Variants in NLGN1 observed in about 807,000 individuals in gnomAD.
NLGN1 encodes neuroligin-1.
Under a neutral mutation model 65.5 loss-of-function variants are expected in NLGN1, and 12 were observed. The observed-to-expected ratio is 0.18, with a 90% CI of 0.12 to 0.30. NLGN1 has a LOEUF of 0.30. NLGN1 is among the 10% of genes least tolerant of loss of function. The pLI, the probability that NLGN1 is intolerant of heterozygous loss-of-function variation, is 1.00. For missense variants in NLGN1, 750 were observed against 1,007.1 expected (o/e 0.74, Z 3.46); for synonymous variants, 350 against 359.5 (o/e 0.97, Z 0.30).
intron 2 of NLGN1, among the ~76,000 whole-genome samples, chr3:173,602,851 C>T (rs1213157367): frequency 6.6e-6 from 1 of 152,030 alleles, no homozygotes; most frequent in Non-Finnish European, 1.5e-5. Flanking sequence ...GTTTGTGTAG[C>T]TGAATCTTCG....
chr3:173,634,987 A>C (rs1756351986), intron 3 of NLGN1, among the ~76,000 whole-genome samples: 1 of 152,168 alleles, frequency 6.6e-6, no homozygotes, highest in Non-Finnish European at 1.5e-5. Flanking sequence ...AGACATGGTT[A>C]GGTTAACTAA....
chr3:173,891,892 C>T (rs978471112), intron 4 of NLGN1, among the ~76,000 whole-genome samples: 4 of 150,298 alleles, frequency 2.7e-5, no homozygotes, highest in African/African-American at 7.6e-5. Flanking sequence ...TCACACCTTG[C>T]GGTGAGTAAT....
chr3:173,840,872 T>G (rs1724639259), intron 4 of NLGN1, among the ~76,000 whole-genome samples: 1 of 152,144 alleles, frequency 6.6e-6, no homozygotes, highest in African/African-American at 2.4e-5. Context: ...CTTAATTTGC[T>G]GGTGAAATTA....
chr3:173,418,041 ATTTG>A (rs1471376838), intron 1 of NLGN1, among the ~76,000 whole-genome samples: 4 of 151,384 alleles, frequency 2.6e-5, no homozygotes, highest in Non-Finnish European at 5.9e-5. Flanking sequence ...CTTTCTTTTT[ATTTG>A]TTTATGTGTG....
At chr3:173,722,241 C>CTTTTTTTTTTTTT (rs58327862) in intron 3 of NLGN1, among the ~76,000 whole-genome samples, 1 of 100,124 alleles carries the variant, frequency 1.0e-5, no homozygotes, top group Non-Finnish European at 1.9e-5. Flanking sequence ...TCTTCTTCTT[C>CTTTTTTTTTTTTT]TTTTTTTTTT....
chr3:173,800,230 A>G, intron 3 of NLGN1: 1 of 473,114 alleles, frequency 2.1e-6, no homozygotes, highest in Non-Finnish European at 3.2e-6. Context: ...TTTTCCCCTC[A>G]GTCTTGTTTA....
At position 174,063,928 on chromosome 3, in the gene NLGN1, G is replaced by A. The variant is rs576121325; in HGVS notation, c.647-211387G>A. On this transcript the variant is annotated intron_variant, in intron 4 of 6. Transcript: ENST00000457714. ...CAAGGGGGCTGGGTGTATCACCTGA[G>A]GTCAGGAGTTGAAGACCAGCCTGGC... 7.8e-4 allele frequency among the ~76,000 whole-genome samples: 118 copies of A among 152,204 alleles called. 1 individual carries two copies. The highest frequency in any genetic ancestry group is 2.2e-3 in the Admixed American group (33 of 15,274).
chr3:173,668,812 C>T (rs935316038), intron 3 of NLGN1, among the ~76,000 whole-genome samples: 1 of 151,610 alleles, frequency 6.6e-6, no homozygotes. Context: ...TTAGTAGAGA[C>T]GGGGTTTCAC....
In NLGN1 at chr3:173,605,224, C is replaced by T. The variant is rs1042372035; in HGVS notation, c.493+133C>T. On this transcript the variant is annotated intron_variant, in intron 3 of 6. Coordinates refer to ENST00000457714, the Ensembl canonical transcript of NLGN1. Reference sequence around the variant, plus strand: ...TTGGCATGTAGACATATTTTACATGCGTGCATGGTGCTCTTTTTGTTTATG... The same window carrying T: ...TTGGCATGTAGACATATTTTACATGTGTGCATGGTGCTCTTTTTGTTTATG... 5.1e-5 allele frequency: 36 copies of T among 704,260 alleles called. 1 individual carries two copies. Among genetic ancestry groups the T allele is most frequent in the Middle Eastern group, 4.0e-4 (1 of 2,478 alleles). The allele number at this position is 704,260 out of a possible 1,614,324, so 43.6% of individuals were successfully genotyped here. A position where few individuals can be genotyped will look rare whatever the true frequency, so the allele number is the denominator to read the frequency against.
At chr3:173,978,070 G>A (rs1392439094) in intron 4 of NLGN1, among the ~76,000 whole-genome samples, 2 of 152,034 alleles carry the variant, frequency 1.3e-5, no homozygotes, top group African/African-American at 4.8e-5. Context: ...TGATGTCAGT[G>A]TTTATGAGAG....
chr3:173,539,739 T>TATGTACATATATAACATATAC (rs1173085781), intron 2 of NLGN1, among the ~76,000 whole-genome samples: 2 of 128,738 alleles, frequency 1.6e-5, no homozygotes, highest in African/African-American at 5.8e-5. Context: ...TATATACATA[T>TATGTACATATATAACATATAC]ATGTACATAT....
Position 173,845,876 on chromosome 3 carries a change from C to T in NLGN1, c.646+38044C>T, listed in dbSNP as rs533898371. Among the ~76,000 whole-genome samples, 20 of 151,912 alleles carry T rather than the reference C, an allele frequency of 1.3e-4. No individual in the cohort carries two copies. In the South Asian group the frequency reaches 1.5e-3, roughly 11 times the overall value. ...AGTGTTTTTTAATTAAAATTTTTTT[C>T]GATATCATAGTATTCAGTCATATAA... On this transcript the variant is annotated intron_variant, in intron 4 of 6. Coordinates refer to ENST00000457714, the Ensembl canonical transcript of NLGN1.
intron 3 of NLGN1, among the ~76,000 whole-genome samples, chr3:173,787,367 A>T (rs1782154958): frequency 6.6e-6 from 1 of 152,226 alleles, no homozygotes; most frequent in African/African-American, 2.4e-5. Flanking sequence ...ATTTCACAAA[A>T]TCAAATGTGA....
chr3:173,537,137 CA>C (rs1737567317), intron 2 of NLGN1, among the ~76,000 whole-genome samples: 1 of 152,150 alleles, frequency 6.6e-6, no homozygotes, highest in African/African-American at 2.4e-5. Context: ...GAAACACTCT[CA>C]AAGACACACA....
chr3:174,272,712 G>GAT (rs1256913034), intron 4 of NLGN1, among the ~76,000 whole-genome samples: 5 of 141,808 alleles, frequency 3.5e-5, no homozygotes, highest in East Asian at 2.3e-4. Context: ...GATAGATATA[G>GAT]ATAGATAGAA....
At chr3:173,432,347 G>A (rs1717339359) in intron 1 of NLGN1, among the ~76,000 whole-genome samples, 1 of 152,208 alleles carries the variant, frequency 6.6e-6, no homozygotes, top group Non-Finnish European at 1.5e-5. Flanking sequence ...TTCACTAGCA[G>A]TGAATGAGAG....
intron 4 of NLGN1, among the ~76,000 whole-genome samples, chr3:174,085,870 C>T (rs1359911546): frequency 1.3e-5 from 2 of 151,866 alleles, no homozygotes; most frequent in Non-Finnish European, 2.9e-5. Context: ...CAAACATAAT[C>T]GCGGTTTTTG....
chr3:174,156,679 G>T (rs1421429), intron 4 of NLGN1, among the ~76,000 whole-genome samples: 53,519 of 151,434 alleles, frequency 0.35, 11,124 homozygotes, highest in East Asian at 0.66. Context: ...TATTTAAGAG[G>T]TAAAGTACAG....
chr3:173,895,309 T>C (rs2152143251), intron 4 of NLGN1, among the ~76,000 whole-genome samples: 1 of 152,280 alleles, frequency 6.6e-6, no homozygotes, highest in South Asian at 2.1e-4. Flanking sequence ...TCACAGGTTC[T>C]TGGGAGATAC....
Sources: gnomAD v4.1 joint callset for allele counts (sites outside exome capture counted in the v4.1 genomes callset) on GRCh38, gnomAD v4.1.1 for gene constraint, MANE v1.5 for transcripts, NCBI Gene and HGNC (gene_info 2026-07-23, HGNC 2026-07-21) for gene names.